Variants in HPGD observed in about 807,000 individuals in gnomAD.
The protein encoded by HPGD is 15-hydroxyprostaglandin dehydrogenase.
Under a neutral mutation model 30.0 loss-of-function variants are expected in HPGD, and 29 were observed. The ratio of observed to expected loss-of-function variants is 0.97; its 90% CI spans 0.72 to 1.32. HPGD has a LOEUF of 1.32. Among genes scored for constraint, HPGD ranks in the 40% most tolerant of loss-of-function variants. HPGD has a pLI of 0.00. For synonymous variants in HPGD, 99 were observed against 112.4 expected, an observed-to-expected ratio of 0.88 and a Z score of 0.75; for missense variants, 340 against 322.1, an observed-to-expected ratio of 1.06 and a Z score of -0.43.
rs141983193 is a variant in HPGD, at chr4:174,505,504, C to A, written c.421+3192G>T. On this transcript the variant is annotated intron_variant, in intron 4 of 6. Transcript: ENST00000296522. Reference sequence around the variant, plus strand: ...ACTCAAGGGCATAAAATTGTTGATACCATTTCTGAGGGAATGATGAAGACG... The same window carrying A: ...ACTCAAGGGCATAAAATTGTTGATAACATTTCTGAGGGAATGATGAAGACG... Among the ~76,000 whole-genome samples the A allele has an allele frequency of 5.9e-4, 90 of 152,330 alleles. No individual in the cohort carries two copies. The Middle Eastern group carries it at 0.01, about 17-fold the overall frequency.
At chr4:174,510,202 C>G (rs185745211) in intron 3 of HPGD, among the ~76,000 whole-genome samples, 10 of 152,252 alleles carry the variant, frequency 6.6e-5, no homozygotes, top group African/African-American at 2.4e-4. Context: ...TATACTTCTC[C>G]TACCTAACAG....
intron 1 of HPGD, 142 bp downstream of exon 1, chr4:174,522,217 C>A: frequency 7.0e-7 from 1 of 1,426,006 alleles, no homozygotes; most frequent in Non-Finnish European, 9.8e-7. Flanking sequence ...GTGCTCACAG[C>A]CTCAGCTTCA....
chr4:174,508,190 C>T, intron 4 of HPGD: 2 of 695,046 alleles, frequency 2.9e-6, no homozygotes, highest in East Asian at 2.7e-5. Flanking sequence ...ATACCTGCAA[C>T]AAGGATCTTG....
rs199614298 is a variant in HPGD, at chr4:174,493,340, C to T, written c.499-26G>A. On this transcript the variant is annotated intron_variant, in intron 5 of 6. Transcript: ENST00000296522. ...CTGCCAATTAGAAGGTTGTAGGTTT[C>T]AGCAGTTTCATAAACATATAGCACA... The T allele has an allele frequency of 4.0e-5, 64 of 1,611,426 alleles. No homozygotes were observed. In the Admixed American group the frequency reaches 4.5e-4, roughly 11 times the overall value.
rs748291932 is a variant in HPGD at position 174,508,807 on chromosome 4, TA to T, written c.325-16del. On this transcript the variant is annotated splice_polypyrimidine_tract_variant and intron_variant, in intron 3 of 6. Coordinates refer to ENST00000296522, the MANE Select transcript of HPGD (RefSeq NM_000860.6). ...ATAACAGAAACCTAATCCAGAGGCA[TA>T]AGTGAGAAAAGGAATACAGTCATTA... The T allele has an allele frequency of 2.2e-6, 3 of 1,385,676 alleles. No individual in the cohort carries two copies. In the South Asian group the frequency reaches 3.5e-5, roughly 16 times the overall value. 85.8% of individuals were successfully genotyped at this position (1,385,676 alleles called of 1,614,324 possible). A position where few individuals can be genotyped will look rare whatever the true frequency, so the allele number is the denominator to read the frequency against.
chr4:174,522,400 C>T lies in HPGD; in HGVS notation c.52G>A (p.Gly18Ser), dbSNP rs200493851. ...ALVTGAAQGIGRAFAEALLLK... is the reference protein window; with the variant it reads ...ALVTGAAQGISRAFAEALLLK... Reference sequence around the variant, plus strand: ...AGCAGCGCCTCTGCAAAGGCTCTGCCTATGCCCTGAGCCGCGCCGGTCACC... The same window carrying T: ...AGCAGCGCCTCTGCAAAGGCTCTGCTTATGCCCTGAGCCGCGCCGGTCACC... The change falls in exon 1 of 7, where the codon GGC becomes AGC. Residue 18 changes from glycine to serine, a missense_variant. Transcript: ENST00000296522. 1 of 1,582,918 alleles carries T rather than the reference C, an allele frequency of 6.3e-7. No homozygotes were observed.
chr4:174,508,131 C>T (rs749977690), intron 4 of HPGD: 37 of 702,212 alleles, frequency 5.3e-5, no homozygotes, highest in Admixed American at 5.0e-4. Flanking sequence ...CTGCTGAAGA[C>T]GGCAGAACTT....
intron 3 of HPGD, among the ~76,000 whole-genome samples, chr4:174,509,801 A>G (rs1470240736): frequency 1.3e-5 from 2 of 152,112 alleles, no homozygotes; most frequent in Non-Finnish European, 2.9e-5. Flanking sequence ...AGTAATGTCT[A>G]TAACTAAATT....
intron 4 of HPGD, chr4:174,506,830 G>C (rs557714341): frequency 6.6e-6 from 1 of 152,278 alleles, no homozygotes; most frequent in African/African-American, 2.4e-5. Flanking sequence ...GTCCTAAATT[G>C]ATCCAACTCT....
In HPGD at chr4:174,492,256, T is replaced by A. The variant is rs1458974132; in HGVS notation, c.663-162A>T. On this transcript the variant is annotated intron_variant, in intron 6 of 6. Transcript: ENST00000296522. The surrounding 1 kb of genome is among the most constrained non-coding windows in gnomAD (Gnocchi z 4.9). ...AATTTTTATTTAATTCCATATTAGA[T>A]ATCTAGATTAGATATCTTATTTATC... is the stretch of plus-strand genomic sequence containing the variant. Among the ~76,000 whole-genome samples, 1 of 152,080 alleles carries A rather than the reference T, an allele frequency of 6.6e-6. No homozygotes were observed. The highest frequency in any genetic ancestry group is 1.5e-5 in the Non-Finnish European group (1 of 67,902).
intron 3 of HPGD, among the ~76,000 whole-genome samples, chr4:174,513,527 G>C (rs1735618217): frequency 6.6e-6 from 1 of 150,420 alleles, no homozygotes; most frequent in Non-Finnish European, 1.5e-5. Context: ...AATAGAAAAA[G>C]AATAAAAACA....
intron 3 of HPGD, among the ~76,000 whole-genome samples, chr4:174,513,698 A>G (rs2612660): frequency 0.058 from 8,746 of 152,076 alleles, 819 homozygotes; most frequent in African/African-American, 0.2. Flanking sequence ...AATTTAACAT[A>G]AAAGGTTGCT....
At chr4:174,500,796 G>A (rs1323393727) in intron 4 of HPGD, among the ~76,000 whole-genome samples, 1 of 152,172 alleles carries the variant, frequency 6.6e-6, no homozygotes, top group East Asian at 1.9e-4. Flanking sequence ...CACTCTGTTT[G>A]ATATTATAGT....
In HPGD at chr4:174,496,609, G is replaced by A. The variant is rs1734608469; in HGVS notation, c.422-985C>T. Among the ~76,000 whole-genome samples the A allele has an allele frequency of 6.6e-6, 1 of 152,104 alleles. No homozygotes were observed. Among genetic ancestry groups the A allele is most frequent in the Non-Finnish European group, 1.5e-5 (1 of 68,018 alleles). ...ACTTGTTTTAATGCTTTTTAAGTTT[G>A]TGACTTCTCTGAGTCAAGTAACAGT... On this transcript the variant is annotated intron_variant, in intron 4 of 6. Transcript: ENST00000296522. This position sits in a 1 kb window ranked among gnomAD's most constrained non-coding sequence, Gnocchi z 4.6.
At chr4:174,501,962 A>G (rs561979315) in intron 4 of HPGD, among the ~76,000 whole-genome samples, 1 of 152,342 alleles carries the variant, frequency 6.6e-6, no homozygotes, top group South Asian at 2.1e-4. Context: ...TCCGCAAACA[A>G]GATTTGCTTT....
chr4:174,497,407 G>A (rs1579274465), intron 4 of HPGD, among the ~76,000 whole-genome samples: 1 of 152,020 alleles, frequency 6.6e-6, no homozygotes, highest in Non-Finnish European at 1.5e-5. Flanking sequence ...TTCCTTAAAG[G>A]TGGATTCGTA....
At chr4:174,497,895 TTCTCTCTCTCTCTC>T (rs376652837) in intron 4 of HPGD, among the ~76,000 whole-genome samples, 2 of 144,924 alleles carry the variant, frequency 1.4e-5, no homozygotes, top group African/African-American at 5.0e-5. Flanking sequence ...CTCTCTCTCT[TTCTCTCTCTCTCTC>T]TCTTCCCCCC....
Position 174,522,246 on chromosome 4 carries a change from A to G in HPGD, c.93+113T>C, listed in dbSNP as rs1007705870. On this transcript the variant is annotated intron_variant, in intron 1 of 6. Coordinates refer to ENST00000296522, the MANE Select transcript of HPGD (RefSeq NM_000860.6). ...AGCTTCAGCAAATTTTGGAAGTGGCAAAGTGGGCACGCCGGGCGCGGCCTC... is the reference window on the plus strand; with the variant it reads ...AGCTTCAGCAAATTTTGGAAGTGGCGAAGTGGGCACGCCGGGCGCGGCCTC... 2.9e-6 allele frequency: 4 copies of G among 1,388,756 alleles called. No individual in the cohort carries two copies. In the African/African-American group the frequency reaches 5.7e-5, roughly 20 times the overall value. 86.0% of individuals were successfully genotyped at this position (1,388,756 alleles called of 1,614,324 possible). A position where few individuals can be genotyped will look rare whatever the true frequency, so the allele number is the denominator to read the frequency against.
chr4:174,521,077 C>G (rs1196588851), intron 2 of HPGD, among the ~76,000 whole-genome samples: 1 of 152,074 alleles, frequency 6.6e-6, no homozygotes, highest in East Asian at 1.9e-4. Context: ...AGTTTTCAGA[C>G]CCCTTGATTA....
Sources: gnomAD v4.1 joint callset for allele counts (sites outside exome capture counted in the v4.1 genomes callset) on GRCh38, gnomAD v4.1.1 for gene constraint, Gnocchi (gnomAD v3.1) non-coding constraint, MANE v1.5 for transcripts, NCBI Gene and HGNC (gene_info 2026-07-23, HGNC 2026-07-21) for gene names.